The following PCSK5 variants were observed in gnomAD, a reference collection of about 807,000 sequenced individuals.
The protein encoded by PCSK5 is proprotein convertase subtilisin/kexin type 5.
A neutral mutation model predicts 233.2 loss-of-function variants in PCSK5; 129 were observed. That is an observed-to-expected ratio of 0.55 (90% CI 0.48 to 0.64). The LOEUF is 0.64. Among genes scored for constraint, PCSK5 ranks in the 30% least tolerant of loss-of-function variants. PCSK5 has a pLI of 0.00. For missense variants in PCSK5, 2,076 were observed against 2,430.1 expected (o/e 0.85, Z 3.06); for synonymous variants, 825 against 879.2 (o/e 0.94, Z 1.09).
intron 7 of PCSK5, among the ~76,000 whole-genome samples, chr9:76,076,182 T>A (rs1443262154): frequency 6.6e-6 from 1 of 151,236 alleles, no homozygotes; most frequent in East Asian, 1.9e-4. Context: ...TAGGGAAAGA[T>A]TTAGGTGTAT....
At chr9:76,168,310 G>T (rs1269209566) in intron 12 of PCSK5, among the ~76,000 whole-genome samples, 1 of 152,122 alleles carries the variant, frequency 6.6e-6, no homozygotes, top group Middle Eastern at 3.4e-3. Flanking sequence ...CACCATACCC[G>T]GCTAATTTTT....
At chr9:76,276,774 T>C (rs1396310655) in intron 24 of PCSK5, among the ~76,000 whole-genome samples, 1 of 152,228 alleles carries the variant, frequency 6.6e-6, no homozygotes, top group African/African-American at 2.4e-5. Flanking sequence ...TGTGTTTTCT[T>C]CACCCAATGC....
intron 2 of PCSK5, among the ~76,000 whole-genome samples, chr9:75,940,984 C>T (rs888010664): frequency 6.6e-6 from 1 of 152,170 alleles, no homozygotes; most frequent in Non-Finnish European, 1.5e-5. Flanking sequence ...TACATTTCTG[C>T]CATGCCTCTT....
chr9:76,109,794 A>G (rs543923145), intron 9 of PCSK5, among the ~76,000 whole-genome samples: 1 of 152,346 alleles, frequency 6.6e-6, no homozygotes, highest in Admixed American at 6.5e-5. Flanking sequence ...TGTACAGCTC[A>G]ATCTTTGCCT....
intron 24 of PCSK5, chr9:76,288,001 A>G (rs1828141488): frequency 6.6e-6 from 1 of 152,192 alleles, no homozygotes; most frequent in Admixed American, 6.5e-5. Flanking sequence ...TTCCTCTAAG[A>G]CATGTCTGAT....
chr9:76,108,143 G>A (rs892536422), intron 9 of PCSK5, among the ~76,000 whole-genome samples: 5 of 152,140 alleles, frequency 3.3e-5, no homozygotes, highest in Non-Finnish European at 5.9e-5. Flanking sequence ...TGATTGTGAA[G>A]TGCTGGCTCA....
intron 36 of PCSK5, among the ~76,000 whole-genome samples, chr9:76,351,212 T>C (rs1045679878): frequency 5.9e-5 from 9 of 152,054 alleles, no homozygotes; most frequent in African/African-American, 1.2e-4. Flanking sequence ...TTCATCACCA[T>C]AGAAGTTTCA....
chr9:76,194,855 G>A (rs2131258527), intron 20 of PCSK5: 1 of 412,438 alleles, frequency 2.4e-6, no homozygotes, highest in South Asian at 1.8e-5. Context: ...ATGCTTCTGA[G>A]AGCCTTACTT....
chr9:76,358,688 C>A lies in PCSK5; in HGVS notation c.5430C>A (p.Ala1810=). The change falls in exon 38 of 38, where the codon GCC becomes GCA. Residue 1810 remains alanine (A), a synonymous_variant. Transcript: ENST00000674117. ...CAAAGGCCGGCTATGAAAAACTGGCCGACCCCAACAAGTCTTACTCCTCCT... is the reference window on the plus strand; with the variant it reads ...CAAAGGCCGGCTATGAAAAACTGGCAGACCCCAACAAGTCTTACTCCTCCT... The part of the protein sequence containing the change: ...PAAKAGYEKL[A]DPNKSYSSYK... 1 of 1,612,734 alleles carries A rather than the reference C, an allele frequency of 6.2e-7. No homozygotes were observed. The highest frequency in any genetic ancestry group is 2.2e-5 in the East Asian group (1 of 44,872).
intron 20 of PCSK5, among the ~76,000 whole-genome samples, chr9:76,222,572 C>T (rs1310753350): frequency 6.6e-6 from 1 of 152,076 alleles, no homozygotes; most frequent in African/African-American, 2.4e-5. Context: ...CTCCAGTTAC[C>T]TCATATAAGT....
intron 10 of PCSK5, among the ~76,000 whole-genome samples, chr9:76,143,561 A>G (rs1823315312): frequency 1.5e-5 from 2 of 133,962 alleles, no homozygotes; most frequent in South Asian, 4.8e-4. Context: ...TGACTGGTTG[A>G]AATGAAATTG....
intron 1 of PCSK5, among the ~76,000 whole-genome samples, chr9:75,926,790 C>T (rs564089094): frequency 1.6e-3 from 246 of 152,060 alleles, no homozygotes; most frequent in African/African-American, 5.7e-3. Flanking sequence ...TATTATATGC[C>T]GTATGATCTT....
chr9:75,923,504 A>G (rs745496374), intron 1 of PCSK5, among the ~76,000 whole-genome samples: 1 of 152,208 alleles, frequency 6.6e-6, no homozygotes, highest in African/African-American at 2.4e-5. Context: ...CTATATTGGT[A>G]TAACTATTTG....
intron 14 of PCSK5, chr9:76,175,476 T>C (rs187990202): frequency 2.3e-4 from 87 of 381,524 alleles, no homozygotes; most frequent in African/African-American, 1.7e-3. Context: ...TACCATAATA[T>C]AGTTAATCTG....
intron 3 of PCSK5, among the ~76,000 whole-genome samples, chr9:76,014,089 A>G (rs1469501344): frequency 6.6e-6 from 1 of 151,820 alleles, no homozygotes; most frequent in Non-Finnish European, 1.5e-5. Context: ...GAGAGGAGGC[A>G]GAGGTTTCTC....
At chr9:76,089,254 G>A (rs1831189429) in intron 7 of PCSK5, among the ~76,000 whole-genome samples, 1 of 152,120 alleles carries the variant, frequency 6.6e-6, no homozygotes, top group Non-Finnish European at 1.5e-5. Context: ...CAAAAAAGAT[G>A]GGGAGTGGAA....
intron 20 of PCSK5, among the ~76,000 whole-genome samples, chr9:76,221,570 T>C (rs945878353): frequency 6.6e-6 from 1 of 152,224 alleles, no homozygotes; most frequent in African/African-American, 2.4e-5. Context: ...ACAGTAGGCA[T>C]CCATGAATAG....
At chr9:76,184,037 T>C (rs554608378) in intron 16 of PCSK5, among the ~76,000 whole-genome samples, 104 of 152,328 alleles carry the variant, frequency 6.8e-4, no homozygotes, top group Middle Eastern at 6.8e-3. Flanking sequence ...ACATTTCTAT[T>C]CTCCAGAATA....
chr9:76,215,511 T>G (rs985123380), intron 20 of PCSK5, among the ~76,000 whole-genome samples: 7 of 152,192 alleles, frequency 4.6e-5, no homozygotes, highest in Admixed American at 2.0e-4. Context: ...TGGTTGCTTG[T>G]TCCCTAGAGA....
Sources: allele counts gnomAD v4.1 joint callset (sites outside exome capture counted in the v4.1 genomes callset), GRCh38; gene constraint gnomAD v4.1.1; transcripts MANE v1.5; gene names NCBI Gene and HGNC (gene_info 2026-07-23, HGNC 2026-07-21).